SLC1A2: variants seen among roughly 807,000 people sequenced by gnomAD.
SLC1A2 encodes the protein excitatory amino acid transporter 2.
Under a neutral mutation model 48.8 loss-of-function variants are expected in SLC1A2, and 15 were observed. That is an observed-to-expected ratio of 0.31 (90% CI 0.21 to 0.47). The LOEUF (loss-of-function observed/expected upper bound fraction) is 0.47, where lower values mean the gene tolerates loss of function less well. SLC1A2 is among the 20% of genes least tolerant of loss of function. The pLI, the probability that SLC1A2 is intolerant of heterozygous loss-of-function variation, is 0.99. For missense variants in SLC1A2, 502 were observed against 730.5 expected (o/e 0.69, Z 3.61); for synonymous variants, 279 against 272.6 (o/e 1.02, Z -0.23).
intron 1 of SLC1A2, among the ~76,000 whole-genome samples, chr11:35,357,890 T>TA (rs1312202546): frequency 6.6e-6 from 1 of 152,222 alleles, no homozygotes; most frequent in Non-Finnish European, 1.5e-5. Flanking sequence ...CTCATGCCTG[T>TA]AATCCCAGCG....
chr11:35,415,799 C>T (rs1855586526), intron 1 of SLC1A2, among the ~76,000 whole-genome samples: 1 of 152,168 alleles, frequency 6.6e-6, no homozygotes, highest in Non-Finnish European at 1.5e-5. Context: ...AGACAGATTG[C>T]CGTGGGTCTC....
chr11:35,418,900 C>T (rs1341432710), intron 1 of SLC1A2, 50 bp downstream of exon 1: 9 of 1,533,686 alleles, frequency 5.9e-6, no homozygotes, highest in Non-Finnish European at 8.0e-6. Context: ...GGCGCCACCA[C>T]CCCGCGCGTG....
At chr11:35,362,180 A>G (rs1014659004) in intron 1 of SLC1A2, among the ~76,000 whole-genome samples, 1 of 152,280 alleles carries the variant, frequency 6.6e-6, no homozygotes, top group East Asian at 1.9e-4. Context: ...GATGTTTTGC[A>G]TGTGGCCTGA....
chr11:35,337,899 C>G (rs374438096), intron 1 of SLC1A2, among the ~76,000 whole-genome samples: 72 of 152,266 alleles, frequency 4.7e-4, no homozygotes, highest in African/African-American at 1.4e-3. Flanking sequence ...TTCATCATAT[C>G]TCATTATCTA....
chr11:35,389,835 A>T (rs953529487), intron 1 of SLC1A2, among the ~76,000 whole-genome samples: 1 of 151,492 alleles, frequency 6.6e-6, no homozygotes, highest in African/African-American at 2.4e-5. Context: ...CTGGTCTCAA[A>T]CTCCTGGGTT....
At chr11:35,292,055 T>G in intron 7 of SLC1A2, 1 of 496,362 alleles carries the variant, frequency 2.0e-6, no homozygotes, top group Non-Finnish European at 3.6e-6. Flanking sequence ...AAAAATTTAA[T>G]GTGAGATCGT....
chr11:35,272,359 A>G (rs949755679), intron 9 of SLC1A2, among the ~76,000 whole-genome samples: 6 of 152,208 alleles, frequency 3.9e-5, no homozygotes, highest in Non-Finnish European at 7.3e-5. Context: ...AAAGCTGTCA[A>G]TTTGGATTAA....
intron 4 of SLC1A2, among the ~76,000 whole-genome samples, chr11:35,310,012 G>C (rs1851638580): frequency 6.6e-6 from 1 of 152,238 alleles, no homozygotes; most frequent in Admixed American, 6.5e-5. Context: ...GCAGAGAGCA[G>C]CCTTTGCCAT....
chr11:35,340,777 T>C (rs996677874), intron 1 of SLC1A2, among the ~76,000 whole-genome samples: 1 of 152,188 alleles, frequency 6.6e-6, no homozygotes, highest in Admixed American at 6.5e-5. Context: ...AACAGAAAAC[T>C]AAATGAACTT....
chr11:35,301,736 A>C, intron 5 of SLC1A2, 91 bp from the exon 6 acceptor site: 1 of 1,184,290 alleles, frequency 8.4e-7, no homozygotes, highest in Non-Finnish European at 1.2e-6. Context: ...GTATGGAGCC[A>C]TGTTCTCACT....
At chr11:35,382,687 A>G (rs935802106) in intron 1 of SLC1A2, among the ~76,000 whole-genome samples, 4 of 152,012 alleles carry the variant, frequency 2.6e-5, no homozygotes, top group Admixed American at 2.6e-4. Flanking sequence ...CCCCAGCTAC[A>G]TGGGAGGCTG....
chr11:35,328,650 C>T (rs886510854), intron 1 of SLC1A2, among the ~76,000 whole-genome samples: 2 of 152,192 alleles, frequency 1.3e-5, no homozygotes, highest in African/African-American at 4.8e-5. Flanking sequence ...TTATATTAGG[C>T]AATTTCATGC....
At chr11:35,287,012 C>T (rs770570692) in intron 7 of SLC1A2, 61 bp from the exon 8 acceptor site, 338 of 1,322,910 alleles carry the variant, frequency 2.6e-4, no homozygotes, top group Non-Finnish European at 3.3e-4. Flanking sequence ...CAGGACAATG[C>T]ATAAACTGGA....
chr11:35,383,961 C>A (rs781661747), intron 1 of SLC1A2, among the ~76,000 whole-genome samples: 2 of 152,172 alleles, frequency 1.3e-5, no homozygotes, highest in Non-Finnish European at 2.9e-5. Flanking sequence ...TTGTTCTACT[C>A]GCTTGTTTGG....
At chr11:35,278,755 A>C (rs1430599751) in intron 9 of SLC1A2, among the ~76,000 whole-genome samples, 1 of 152,090 alleles carries the variant, frequency 6.6e-6, no homozygotes. Context: ...ACAGTGGCTC[A>C]CCCGTGTAAT....
intron 1 of SLC1A2, among the ~76,000 whole-genome samples, chr11:35,358,796 C>T (rs149397328): frequency 2.0e-5 from 3 of 152,010 alleles, no homozygotes; most frequent in African/African-American, 7.2e-5. Context: ...TAAGTACTAG[C>T]CATTTTTTCC....
intron 1 of SLC1A2, among the ~76,000 whole-genome samples, chr11:35,321,453 G>C (rs915788446): frequency 6.6e-6 from 1 of 152,024 alleles, no homozygotes; most frequent in Non-Finnish European, 1.5e-5. Context: ...AATTTGTCTA[G>C]AGCTTAGCAA....
intron 1 of SLC1A2, among the ~76,000 whole-genome samples, chr11:35,344,565 G>A (rs4756216): frequency 0.8 from 121,527 of 152,094 alleles, 49,121 homozygotes; most frequent in East Asian, 0.92. Context: ...TTCAGACCCC[G>A]GAAGACCTTT....
intron 10 of SLC1A2, among the ~76,000 whole-genome samples, chr11:35,263,400 G>A (rs1436093268): frequency 3.9e-5 from 6 of 152,128 alleles, no homozygotes; most frequent in Non-Finnish European, 7.4e-5. Flanking sequence ...CCTGGGAGGC[G>A]GAGGTTGTGG....
Sources: allele counts gnomAD v4.1 joint callset (sites outside exome capture counted in the v4.1 genomes callset), GRCh38; gene constraint gnomAD v4.1.1; transcripts MANE v1.5; gene names NCBI Gene and HGNC (gene_info 2026-07-23, HGNC 2026-07-21).